Variants in ANK3 observed in about 807,000 individuals in gnomAD.
ANK3 encodes ankyrin 3.
Under a neutral mutation model 370.9 loss-of-function variants are expected in ANK3, and 57 were observed. The observed-to-expected ratio is 0.15, with a 90% CI of 0.12 to 0.19. ANK3 has a LOEUF of 0.19. ANK3 is among the 10% of genes least tolerant of loss of function. The pLI, the probability that ANK3 is intolerant of heterozygous loss-of-function variation, is 1.00. For missense variants in ANK3, 4,439 were observed against 5,302.1 expected (o/e 0.84, Z 5.06); for synonymous variants, 1,929 against 1,946.3 (o/e 0.99, Z 0.23).
chr10:60,300,402 T>C (rs1051256243), intron 1 of ANK3: 2 of 1,289,562 alleles, frequency 1.6e-6, no homozygotes, highest in African/African-American at 3.0e-5. Context: ...GTTAACACTT[T>C]GGACAGAGCA....
chr10:60,140,251 C>G, intron 23 of ANK3: 3 of 1,267,418 alleles, frequency 2.4e-6, no homozygotes, highest in Non-Finnish European at 3.5e-6. Context: ...TACCCAGTAC[C>G]AAGAGATTAT....
At chr10:60,104,195 A>C (rs1158949291) in intron 28 of ANK3, among the ~76,000 whole-genome samples, 1 of 151,688 alleles carries the variant, frequency 6.6e-6, no homozygotes, top group Non-Finnish European at 1.5e-5. Flanking sequence ...GTTTACCTAT[A>C]TAACAAACCT....
chr10:60,194,551 C>A (rs1171266967), intron 16 of ANK3, among the ~76,000 whole-genome samples: 2 of 152,172 alleles, frequency 1.3e-5, no homozygotes, highest in Non-Finnish European at 2.9e-5. Flanking sequence ...CTTCAAGATT[C>A]CTCCATGTAT....
intron 2 of ANK3, among the ~76,000 whole-genome samples, chr10:60,555,779 C>G (rs1475174023): frequency 6.6e-6 from 1 of 152,116 alleles, no homozygotes; most frequent in African/African-American, 2.4e-5. Context: ...AAATAAAAAA[C>G]CTACCCCAAC....
chr10:60,495,189 C>T (rs2075622680), intron 2 of ANK3, among the ~76,000 whole-genome samples: 1 of 148,918 alleles, frequency 6.7e-6, no homozygotes, highest in Non-Finnish European at 1.5e-5. Context: ...AGAAGCTTTT[C>T]TAAAGTTTTA....
At chr10:60,483,191 G>A (rs988801798) in intron 2 of ANK3, among the ~76,000 whole-genome samples, 5 of 152,068 alleles carry the variant, frequency 3.3e-5, no homozygotes, top group African/African-American at 1.2e-4. Context: ...TTTGGAAAAA[G>A]GCCTGTTTGA....
chr10:60,416,445 TGTG>T (rs2063670452), intron 2 of ANK3, among the ~76,000 whole-genome samples: 2 of 152,216 alleles, frequency 1.3e-5, no homozygotes, highest in South Asian at 4.1e-4. Context: ...ATATCTCAAA[TGTG>T]GTGTTTTTAA....
chr10:60,076,838 C>T (rs2131988367), intron 36 of ANK3, among the ~76,000 whole-genome samples: 2 of 152,276 alleles, frequency 1.3e-5, no homozygotes, highest in South Asian at 4.1e-4. Flanking sequence ...TTTGAAATAT[C>T]AGTAGCCATT....
At chr10:60,706,733 T>C (rs1398995243) in intron 1 of ANK3, among the ~76,000 whole-genome samples, 2 of 152,222 alleles carry the variant, frequency 1.3e-5, no homozygotes, top group Non-Finnish European at 2.9e-5. Context: ...TCTTTTCCTA[T>C]GGCCTTCATT....
intron 2 of ANK3, among the ~76,000 whole-genome samples, chr10:60,493,748 T>C (rs2075584465): frequency 2.0e-5 from 3 of 151,976 alleles, no homozygotes; most frequent in African/African-American, 7.3e-5. Flanking sequence ...GTTGGCTATA[T>C]AGAGATGTAA....
intron 2 of ANK3, among the ~76,000 whole-genome samples, chr10:60,528,629 T>C (rs1415070873): frequency 1.3e-5 from 2 of 151,904 alleles, no homozygotes; most frequent in African/African-American, 2.4e-5. Flanking sequence ...TGCATTAGGG[T>C]TTTGAAACTT....
rs768050877 is a variant in ANK3 at position 60,070,185 on chromosome 10, G to A, written c.10696C>T (p.Pro3566Ser). Residue 3566 changes from proline (P) to serine (S), a missense_variant, in exon 37 of 44, where the codon CCA (proline) becomes TCA (serine). Transcript: ENST00000280772. This position sits in a 1 kb window ranked among gnomAD's most constrained non-coding sequence, Gnocchi z 5.7. ...DSKSREDETK[P>S]FGLAVEDRSP... ...CGGTCTTCTACCGCCAGCCCAAATG[G>A]CTTAGTTTCATCTTCCCGTGATTTA... 1.5e-5 allele frequency: 24 copies of A among 1,614,008 alleles called. No homozygotes were observed. The highest frequency in any genetic ancestry group is 2.7e-5 in the African/African-American group (2 of 74,928).
At chr10:60,185,291 T>G (rs1441265913) in intron 17 of ANK3, among the ~76,000 whole-genome samples, 2 of 152,196 alleles carry the variant, frequency 1.3e-5, no homozygotes, top group African/African-American at 4.8e-5. Flanking sequence ...GAATTCAGAT[T>G]GTTATGGAGT....
At chr10:60,371,572 C>T (rs897437036) in intron 1 of ANK3, among the ~76,000 whole-genome samples, 1 of 152,128 alleles carries the variant, frequency 6.6e-6, no homozygotes, top group African/African-American at 2.4e-5. Flanking sequence ...TTCATATTCA[C>T]TGCACTACAA....
At chr10:60,585,478 A>G (rs534891679) in intron 2 of ANK3, among the ~76,000 whole-genome samples, 3 of 152,300 alleles carry the variant, frequency 2.0e-5, no homozygotes, top group South Asian at 4.1e-4. Context: ...TAGGATACTG[A>G]GAACAACTTT....
chr10:60,134,422 T>C, intron 24 of ANK3, 49 bp from the exon 25 acceptor site: 1 of 1,437,384 alleles, frequency 7.0e-7, no homozygotes, highest in African/African-American at 1.4e-5. Context: ...GATGATGAGA[T>C]GAATAAAAAA....
At position 60,073,145 on chromosome 10, in the gene ANK3, C is replaced by G. The variant is rs61732397; in HGVS notation, c.7736G>C (p.Arg2579Thr). 7 of 1,614,120 alleles carry G rather than the reference C, an allele frequency of 4.3e-6. No individual in the cohort carries two copies. The Admixed American group carries it at 5.0e-5, about 12-fold the overall frequency. The stretch of plus-strand genomic sequence containing the variant: ...TTTTTCTTCAGCCTCCTTCACAGTC[C>G]TGTCCACCCTATCTTCATATATCAA... ...EKLIYEDRVD[R>T]TVKEAEEKLT... is the part of the protein sequence containing the mutation. Residue 2579 changes from arginine (R) to threonine (T), a missense_variant, in exon 37 of 44, where the codon AGG (arginine) becomes ACG (threonine). Transcript: ENST00000280772.
rs12261746 is a variant in ANK3, at chr10:60,548,869, A to C, written c.96+66317T>G. 2.6e-3 allele frequency among the ~76,000 whole-genome samples: 396 copies of C among 152,272 alleles called. 3 individuals are homozygous for C. The highest frequency in any genetic ancestry group is 9.2e-3 in the African/African-American group (384 of 41,566). On this transcript the variant is annotated intron_variant, in intron 2 of 43. Transcript: ENST00000373827. Reference sequence around the variant, plus strand: ...TCCCACTATTATGGCTAGGAAAGCTAAAGATGAGAGTTCAGGGCTTTCTAT... The same window carrying C: ...TCCCACTATTATGGCTAGGAAAGCTCAAGATGAGAGTTCAGGGCTTTCTAT...
chr10:60,413,159 T>C (rs2063593917), intron 2 of ANK3, among the ~76,000 whole-genome samples: 1 of 152,256 alleles, frequency 6.6e-6, no homozygotes, highest in African/African-American at 2.4e-5. Flanking sequence ...CACTTCTTCC[T>C]CAGTAAAGTT....
Sources: allele counts gnomAD v4.1 joint callset (sites outside exome capture counted in the v4.1 genomes callset), GRCh38; gene constraint gnomAD v4.1.1; non-coding constraint Gnocchi (gnomAD v3.1); transcripts MANE v1.5; gene names NCBI Gene and HGNC (gene_info 2026-07-23, HGNC 2026-07-21).